The following GCNT2 variants were observed in gnomAD, a reference collection of about 807,000 sequenced individuals.
The protein encoded by GCNT2 is N-acetyllactosaminide beta-1,6-N-acetylglucosaminyl-transferase.
Under a neutral mutation model 34.2 loss-of-function variants are expected in GCNT2, and 34 were observed. The observed-to-expected ratio is 1.00, with a 90% confidence interval of 0.76 to 1.32. The LOEUF (loss-of-function observed/expected upper bound fraction) is 1.32, where lower values mean the gene tolerates loss of function less well. Ranked by LOEUF, GCNT2 falls within the 40% of genes most tolerant of loss-of-function variation. The probability of loss-of-function intolerance (pLI) is 0.00; values close to 1 mark genes in which losing one functional copy is unlikely to be tolerated. For missense variants in GCNT2, 584 were observed against 489.4 expected (o/e 1.19, Z -1.82); for synonymous variants, 212 against 188.0 (o/e 1.13, Z -1.04).
intron 1 of GCNT2, among the ~76,000 whole-genome samples, chr6:10,523,158 A>T (rs1238150392): frequency 6.6e-6 from 1 of 152,170 alleles, no homozygotes; most frequent in Non-Finnish European, 1.5e-5. Flanking sequence ...GGTGTGGCTC[A>T]TGACTGTAAT....
intron 3 of GCNT2, among the ~76,000 whole-genome samples, chr6:10,582,721 CT>C (rs199898672): frequency 5.7e-5 from 8 of 140,146 alleles, no homozygotes; most frequent in East Asian, 3.9e-4. Context: ...AAGGTAAATG[CT>C]TTTTTTTTCC....
intron 4 of GCNT2, 113 bp downstream of exon 4, chr6:10,621,556 C>G: frequency 1.4e-6 from 1 of 735,938 alleles, no homozygotes; most frequent in East Asian, 2.7e-5. Flanking sequence ...TTAGACCAAT[C>G]TGTTAGTTAT....
Position 10,603,408 on chromosome 6 carries a change from T to A in GCNT2, c.926-17943T>A, listed in dbSNP as rs370627430. Among the ~76,000 whole-genome samples the A allele has an allele frequency of 8.5e-5, 13 of 152,354 alleles. No individual in the cohort carries two copies. In the East Asian group the frequency reaches 2.1e-3, roughly 25 times the overall value. ...CCATTGGAAGAAAACTTTAATGTTA[T>A]TCACAGTTGCCCTAGAAACAAGAGG... On this transcript the variant is annotated intron_variant, in intron 3 of 4. Transcript: ENST00000495262.
At chr6:10,548,853 G>A (rs1193269912) in intron 3 of GCNT2, among the ~76,000 whole-genome samples, 3 of 151,944 alleles carry the variant, frequency 2.0e-5, no homozygotes, top group Non-Finnish European at 4.4e-5. Context: ...TCCACCTCCT[G>A]GGTTCAAGCA....
intron 3 of GCNT2, among the ~76,000 whole-genome samples, chr6:10,565,723 C>T (rs1402772475): frequency 6.6e-6 from 1 of 151,952 alleles, no homozygotes; most frequent in Non-Finnish European, 1.5e-5. Flanking sequence ...AAATTCTTTT[C>T]CCCCCACACC....
At chr6:10,570,855 C>CT (rs1763525402) in intron 3 of GCNT2, among the ~76,000 whole-genome samples, 1 of 152,204 alleles carries the variant, frequency 6.6e-6, no homozygotes, top group African/African-American at 2.4e-5. Context: ...GGATTTTGGT[C>CT]TGTTGGAGTT....
intron 3 of GCNT2, among the ~76,000 whole-genome samples, chr6:10,563,512 C>T (rs562414289): frequency 6.6e-6 from 1 of 151,922 alleles, no homozygotes; most frequent in South Asian, 2.1e-4. Context: ...GAGGCTGAGG[C>T]CTGTGGATCA....
At chr6:10,553,355 C>T (rs983627975) in intron 3 of GCNT2, among the ~76,000 whole-genome samples, 9 of 152,190 alleles carry the variant, frequency 5.9e-5, no homozygotes, top group Admixed American at 2.6e-4. Flanking sequence ...CACTAGTTGA[C>T]TTAGCCTGGC....
Position 10,582,195 on chromosome 6 carries a change from A to ATTTAAAT in GCNT2, c.926-39156_926-39155insTTTAAAT, listed in dbSNP as rs1561816050. On this transcript the variant is annotated intron_variant, in intron 3 of 4. Transcript: ENST00000495262. ...TTTTATATAAAATATATTTTTATAT[A>ATTTAAAT]ATATATAAAATTTATTATATATATA... Among the ~76,000 whole-genome samples, 508 of 125,610 alleles carry ATTTAAAT rather than the reference A, an allele frequency of 4.0e-3. 5 individuals are homozygous for ATTTAAAT. Among genetic ancestry groups the ATTTAAAT allele is most frequent in the African/African-American group, 0.013 (433 of 33,882 alleles). The allele number at this position is 125,610 out of a possible 152,430, so 82.4% of individuals were successfully genotyped here.
chr6:10,590,190 G>A (rs1764568758), intron 3 of GCNT2, among the ~76,000 whole-genome samples: 1 of 152,110 alleles, frequency 6.6e-6, no homozygotes. Flanking sequence ...TTGAGGTCAG[G>A]AGTTTCAGTC....
At chr6:10,600,186 G>A (rs909308992) in intron 3 of GCNT2, among the ~76,000 whole-genome samples, 2 of 152,154 alleles carry the variant, frequency 1.3e-5, no homozygotes, top group Non-Finnish European at 1.5e-5. Flanking sequence ...GGGGCAGTAT[G>A]AATATTTTGG....
chr6:10,607,212 A>G (rs993772965), intron 3 of GCNT2, among the ~76,000 whole-genome samples: 1 of 151,998 alleles, frequency 6.6e-6, no homozygotes, highest in African/African-American at 2.4e-5. Flanking sequence ...GTATTTTATA[A>G]AGAGAAGAGG....
intron 1 of GCNT2, among the ~76,000 whole-genome samples, chr6:10,526,558 G>A (rs777011729): frequency 6.6e-6 from 1 of 152,106 alleles, no homozygotes; most frequent in Admixed American, 6.5e-5. Context: ...ATTTAAGCTT[G>A]CATCTTCCTG....
intron 3 of GCNT2, chr6:10,575,125 T>C: frequency 4.3e-6 from 2 of 462,978 alleles, no homozygotes; most frequent in Non-Finnish European, 8.1e-6. Flanking sequence ...TCACCTTTCT[T>C]ATAGATTCAC....
At chr6:10,536,920 C>G (rs1422376365) in intron 3 of GCNT2, among the ~76,000 whole-genome samples, 1 of 151,814 alleles carries the variant, frequency 6.6e-6, no homozygotes, top group Non-Finnish European at 1.5e-5. Flanking sequence ...CGCCCGCCAC[C>G]ACGCCTGGCT....
intron 3 of GCNT2, among the ~76,000 whole-genome samples, chr6:10,537,162 G>T (rs1205039413): frequency 6.6e-6 from 1 of 152,158 alleles, no homozygotes; most frequent in African/African-American, 2.4e-5. Flanking sequence ...GAAAACAATG[G>T]CATTAATCAC....
At chr6:10,617,332 G>A (rs1765820355) in intron 3 of GCNT2, among the ~76,000 whole-genome samples, 1 of 151,992 alleles carries the variant, frequency 6.6e-6, no homozygotes, top group Non-Finnish European at 1.5e-5. Context: ...CCCAGCCCAC[G>A]CCCACCCGGA....
chr6:10,526,035 C>T (rs533487951), intron 1 of GCNT2, among the ~76,000 whole-genome samples: 3 of 152,166 alleles, frequency 2.0e-5, no homozygotes, highest in African/African-American at 7.2e-5. Flanking sequence ...TTAATCATTC[C>T]TATAGTATTT....
intron 2 of GCNT2, 101 bp from the exon 3 acceptor site, chr6:10,528,530 T>C (rs1004539886): frequency 3.1e-6 from 1 of 320,638 alleles, no homozygotes; most frequent in African/African-American, 2.1e-5. Flanking sequence ...TTAGAGCCGA[T>C]GACTTGCAGA....
Sources: allele counts gnomAD v4.1 joint callset (sites outside exome capture counted in the v4.1 genomes callset), GRCh38; gene constraint gnomAD v4.1.1; transcripts MANE v1.5; gene names NCBI Gene and HGNC (gene_info 2026-07-23, HGNC 2026-07-21).